Variants in LINC00632 observed in about 807,000 individuals in gnomAD.
The protein encoded by LINC00632 is long independently transcribed non-coding RNA 632, also known as ALDOA related specific transcript.
intron 2 of LINC00632, among the ~76,000 whole-genome samples, chrX:140,731,174 T>C (rs1346429816): frequency 8.9e-6 from 1 of 112,296 alleles, no homozygotes; most frequent in East Asian, 2.8e-4. Flanking sequence ...GTGCTGGGAT[T>C]ACAGGCATTA....
chrX:140,739,297 G>A (rs1569351331), intron 3 of LINC00632, among the ~76,000 whole-genome samples: 1 of 110,588 alleles, frequency 9.0e-6, no homozygotes, highest in African/African-American at 3.3e-5. Flanking sequence ...TTGGATCACA[G>A]CAACTTCCGC....
intron 2 of LINC00632, chrX:140,711,871 C>T (rs1180222107): frequency 1.5e-5 from 2 of 134,518 alleles, no homozygotes; most frequent in Admixed American, 9.3e-5. Context: ...TTAGTGTATT[C>T]ACCTGTATTT....
At chrX:140,719,540 C>T (rs181274675) in intron 2 of LINC00632, among the ~76,000 whole-genome samples, 1 of 108,984 alleles carries the variant, frequency 9.2e-6, no homozygotes, top group East Asian at 3.0e-4. Flanking sequence ...AGCTGATCCA[C>T]CTGCCTCGGC....
At chrX:140,721,600 C>G (rs1363470208) in intron 2 of LINC00632, among the ~76,000 whole-genome samples, 1 of 110,611 alleles carries the variant, frequency 9.0e-6, no homozygotes, top group Non-Finnish European at 1.9e-5. Flanking sequence ...TGCTCGCCTC[C>G]TGCTGTGTGG....
At chrX:140,755,611 T>C (rs1379756440) in intron 3 of LINC00632, among the ~76,000 whole-genome samples, 3 of 112,366 alleles carry the variant, frequency 2.7e-5, no homozygotes, top group Non-Finnish European at 3.8e-5. Flanking sequence ...AATGAATAGA[T>C]GAATTTATGA....
chrX:140,782,896 T>C (rs377312811), exon 5 of LINC00632: 1 of 111,866 alleles, frequency 8.9e-6, no homozygotes, highest in African/African-American at 3.3e-5. Flanking sequence ...TCAATATCCA[T>C]GCTTACCAAT....
chrX:140,774,589 G>A (rs1346309987), exon 5 of LINC00632, among the ~76,000 whole-genome samples: 2 of 111,429 alleles, frequency 1.8e-5, no homozygotes, highest in African/African-American at 3.3e-5. Flanking sequence ...CTCTTCAGAC[G>A]AAATGCAATT....
At chrX:140,755,148 A>C (rs1050894602) in intron 3 of LINC00632, among the ~76,000 whole-genome samples, 1 of 112,329 alleles carries the variant, frequency 8.9e-6, no homozygotes, top group Non-Finnish European at 1.9e-5. Flanking sequence ...GATCCTGGTA[A>C]GTCACAGAAC....
At chrX:140,722,455 AC>A (rs1228345528) in intron 2 of LINC00632, among the ~76,000 whole-genome samples, 2 of 108,662 alleles carry the variant, frequency 1.8e-5, no homozygotes, top group African/African-American at 6.7e-5. Context: ...ACACATATTT[AC>A]CCCCCAGCAC....
intron 2 of LINC00632, among the ~76,000 whole-genome samples, chrX:140,732,675 C>T (rs1050707893): frequency 1.1e-4 from 12 of 111,628 alleles, no homozygotes; most frequent in African/African-American, 3.6e-4. Context: ...GATTTACACA[C>T]GCACAGACAT....
At chrX:140,719,673 TCC>T (rs1449957210) in intron 2 of LINC00632, among the ~76,000 whole-genome samples, 1 of 110,015 alleles carries the variant, frequency 9.1e-6, no homozygotes, top group Non-Finnish European at 1.9e-5. Flanking sequence ...CAGCAGCACA[TCC>T]CACAAAGGAT....
intron 2 of LINC00632, among the ~76,000 whole-genome samples, chrX:140,723,329 TAC>T (rs1347054834): frequency 2.9e-5 from 2 of 69,710 alleles, no homozygotes; most frequent in Non-Finnish European, 5.5e-5. Context: ...ACACATTCCA[TAC>T]ACACAGACAC....
At chrX:140,771,644 C>T (rs7055546) in intron 3 of LINC00632, among the ~76,000 whole-genome samples, 1,607 of 47,200 alleles carry the variant, frequency 0.034, 58 homozygotes, top group African/African-American at 0.12. Context: ...CACACACACA[C>T]ATACATATAT....
chrX:140,724,495 C>CATACACACACAGAGACACATTCCAT (rs1930873803), intron 2 of LINC00632, among the ~76,000 whole-genome samples: 1 of 111,951 alleles, frequency 8.9e-6, no homozygotes, highest in Non-Finnish European at 1.9e-5. Flanking sequence ...ACACACATTC[C>CATACACACACAGAGACACATTCCAT]ATACACACAC....
At chrX:140,790,242 T>TAAG (rs769903390) in exon 5 of LINC00632, among the ~76,000 whole-genome samples, 4 of 111,004 alleles carry the variant, frequency 3.6e-5, no homozygotes, top group African/African-American at 6.5e-5. Context: ...TTTTCTTTTA[T>TAAG]AAGTGTTTCT....
At position 140,735,869 on chromosome X, in the gene LINC00632, AATTT is replaced by A. The variant is rs763028656; in HGVS notation, n.191+1909_191+1912del. On this transcript the variant is annotated intron_variant and non_coding_transcript_variant, in intron 3 of 4. Coordinates refer to ENST00000648200, the Ensembl canonical transcript of LINC00632. ...GCATGAGTCACCACGCCCAGCCTTT[AATTT>A]ATTATATTCTATAAATATAAGAACT... is the stretch of plus-strand genomic sequence containing the variant. Among the ~76,000 whole-genome samples, 477 of 111,778 alleles carry A rather than the reference AATTT, an allele frequency of 4.3e-3. 3 individuals are homozygous for A. The highest frequency in any genetic ancestry group is 0.015 in the African/African-American group (459 of 30,775).
exon 5 of LINC00632, among the ~76,000 whole-genome samples, chrX:140,790,189 A>G (rs1170559949): frequency 9.0e-6 from 1 of 110,793 alleles, no homozygotes; most frequent in East Asian, 2.8e-4. Context: ...TTCTTCCAAT[A>G]TTTTGTACGT....
At chrX:140,756,016 G>GA (rs1031277627) in intron 3 of LINC00632, among the ~76,000 whole-genome samples, 1 of 110,570 alleles carries the variant, frequency 9.0e-6, no homozygotes, top group Non-Finnish European at 1.9e-5. Context: ...GTAAGTGCTT[G>GA]AAAAAAAAGT....
At chrX:140,767,644 G>A (rs1931713820) in intron 3 of LINC00632, among the ~76,000 whole-genome samples, 1 of 112,105 alleles carries the variant, frequency 8.9e-6, no homozygotes, top group Middle Eastern at 4.2e-3. Context: ...GAAGTTTTTA[G>A]ACAAGCTATA....
Sources: allele counts gnomAD v4.1 joint callset (sites outside exome capture counted in the v4.1 genomes callset), GRCh38; gene constraint gnomAD v4.1.1; transcripts MANE v1.5; gene names NCBI Gene and HGNC (gene_info 2026-07-23, HGNC 2026-07-21).